PUS1: variants seen among roughly 807,000 people sequenced by gnomAD.
PUS1 encodes pseudouridine synthase 1.
Under a neutral mutation model 38.5 loss-of-function variants are expected in PUS1, and 25 were observed. The observed-to-expected ratio is 0.65, with a 90% CI of 0.47 to 0.91. The LOEUF (loss-of-function observed/expected upper bound fraction) is 0.91. PUS1 is among the 40% of genes least tolerant of loss of function. The pLI, the probability that PUS1 is intolerant of heterozygous loss-of-function variation, is 0.00. For missense variants in PUS1, 597 were observed against 612.3 expected, an observed-to-expected ratio of 0.97 and a Z score of 0.26; for synonymous variants, 282 against 260.4, an observed-to-expected ratio of 1.08 and a Z score of -0.80.
At position 131,943,667 on chromosome 12, in the gene PUS1, A is replaced by C. The variant is rs767271124; in HGVS notation, c.*81A>C. 2.9e-5 allele frequency: 34 copies of C among 1,183,116 alleles called. No individual in the cohort carries two copies. Among genetic ancestry groups the C allele is most frequent in the Non-Finnish European group, 3.8e-5 (30 of 793,332 alleles). The allele number at this position is 1,183,116 out of a possible 1,614,324, so 73.3% of individuals were successfully genotyped here. The stretch of plus-strand genomic sequence containing the variant: ...ATGTGCCACCCCTGTGGGCAGCAAG[A>C]AGCTGGGATCGCTGCAGCCATGTTT... On this transcript the variant is annotated 3_prime_UTR_variant, in exon 6 of 6. Coordinates refer to ENST00000376649, the MANE Select transcript of PUS1 (RefSeq NM_025215.6).
chr12:131,939,514 A>G (rs575059343), intron 4 of PUS1, among the ~76,000 whole-genome samples: 1 of 152,318 alleles, frequency 6.6e-6, no homozygotes, highest in South Asian at 2.1e-4. Context: ...GGATGTGAAA[A>G]TCCAAATTCA....
At chr12:131,931,821 G>A in intron 2 of PUS1, 1 of 506,494 alleles carries the variant, frequency 2.0e-6, no homozygotes, top group Admixed American at 3.4e-5. Flanking sequence ...GTGAGCCACT[G>A]CACCTGGCCA....
intron 3 of PUS1, among the ~76,000 whole-genome samples, chr12:131,933,210 T>G (rs1289449699): frequency 2.0e-5 from 3 of 151,534 alleles, no homozygotes; most frequent in Non-Finnish European, 4.4e-5. Context: ...TTTTTTTTTT[T>G]TTTTTTAATA....
At position 131,943,934 on chromosome 12, in the gene PUS1, G is replaced by A. The variant is rs573059190; in HGVS notation, c.*348G>A. 4.4e-5 allele frequency: 15 copies of A among 338,046 alleles called. No individual in the cohort carries two copies. The highest frequency in any genetic ancestry group is 7.5e-5 in the East Asian group (1 of 13,296). The allele number at this position is 338,046 out of a possible 1,614,324, so 20.9% of individuals were successfully genotyped here. A position where few individuals can be genotyped will look rare whatever the true frequency, so the allele number is the denominator to read the frequency against. ...AGAGATGAGCACAGCATGGTGTCCC[G>A]TTGAGAACAGATACGGCTGAACAAA... On this transcript the variant is annotated 3_prime_UTR_variant, in exon 6 of 6. Transcript: ENST00000376649.
chr12:131,943,590 G>A lies in PUS1; in HGVS notation c.*4G>A, dbSNP rs199498952. 166 of 1,612,626 alleles carry A rather than the reference G, an allele frequency of 1.0e-4. No homozygotes were observed. Among genetic ancestry groups the A allele is most frequent in the Non-Finnish European group, 1.3e-4 (155 of 1,179,086 alleles). Reference sequence around the variant, plus strand: ...AGGGGACGGAGACACTGACTGAGGCGATGGGAGCTGCCCACCAGAGTGCCT... The same window carrying A: ...AGGGGACGGAGACACTGACTGAGGCAATGGGAGCTGCCCACCAGAGTGCCT... On this transcript the variant is annotated 3_prime_UTR_variant, in exon 6 of 6. Coordinates refer to ENST00000376649, the MANE Select transcript of PUS1 (RefSeq NM_025215.6).
rs1420103271 is a variant in PUS1, at chr12:131,939,182, G to A, written c.451G>A (p.Ala151Thr). The change falls in exon 4 of 6, where the codon GCA (alanine) becomes ACA (threonine). Residue 151 changes from alanine to threonine, a missense_variant. Ala to Thr is a moderately conservative substitution (Grantham distance 58). Transcript: ENST00000376649. Reference protein sequence around the residue: ...RCARTDKGVSAAGQVVSLKVW... With the variant: ...RCARTDKGVSTAGQVVSLKVW... ...TCTGCTTTGTTTACAGGGTGTGTCC[G>A]CAGCCGGCCAGGTGGTATCCCTGAA... 3.2e-6 allele frequency: 5 copies of A among 1,557,764 alleles called. No individual in the cohort carries two copies. The highest frequency in any genetic ancestry group is 2.4e-5 in the East Asian group (1 of 41,262).
In PUS1 at chr12:131,931,011, C is replaced by T. The variant is rs115525081; in HGVS notation, c.303+876C>T. Reference sequence around the variant, plus strand: ...TTTTGTAGTTACCACTGTGGCTTTGCGCAGTTCTGTGTTCTTTAAACATCT... The same window carrying T: ...TTTTGTAGTTACCACTGTGGCTTTGTGCAGTTCTGTGTTCTTTAAACATCT... On this transcript the variant is annotated intron_variant, in intron 2 of 5. Transcript: ENST00000376649. 3.0e-3 allele frequency among the ~76,000 whole-genome samples: 461 copies of T among 152,280 alleles called. 4 individuals carry two copies. Among genetic ancestry groups the T allele is most frequent in the African/African-American group, 0.011 (445 of 41,548 alleles).
At chr12:131,931,321 T>A (rs1190073459) in intron 2 of PUS1, among the ~76,000 whole-genome samples, 1 of 151,772 alleles carries the variant, frequency 6.6e-6, no homozygotes, top group East Asian at 1.9e-4. Flanking sequence ...ACCACGCCCA[T>A]CTAGTTTTTG....
In PUS1 at chr12:131,944,954, G is replaced by T. The variant is rs73162970; in HGVS notation, c.*1368G>T. The T allele has an allele frequency of 0.13, 19,823 of 152,288 alleles. 2,658 individuals carry two copies. Among genetic ancestry groups the T allele is most frequent in the African/African-American group, 0.34 (14,190 of 41,518 alleles). 9.4% of individuals were successfully genotyped at this position (152,288 alleles called of 1,614,324 possible). On this transcript the variant is annotated 3_prime_UTR_variant, in exon 6 of 6. Transcript: ENST00000376649. ...CAGGAGCAGGGGATCCTTGGCTGGC[G>T]GGCTGCCAGGAGCCCAGGGAGGGGC... is the stretch of plus-strand genomic sequence containing the variant.
intron 3 of PUS1, chr12:131,932,721 G>A (rs1342922336): frequency 1.0e-5 from 4 of 382,624 alleles, no homozygotes; most frequent in Middle Eastern, 8.5e-4. Flanking sequence ...TCCTTTTTTA[G>A]AGTCAGGATC....
chr12:131,930,081 G>T lies in PUS1; in HGVS notation c.249G>T (p.Lys83Asn). 6.9e-7 allele frequency: 1 copy of T among 1,445,038 alleles called. No individual in the cohort carries two copies. The allele number at this position is 1,445,038 out of a possible 1,614,324, so 89.5% of individuals were successfully genotyped here. Reference protein sequence around the residue: ...GDEERREKPPKRKIVLLMAYS... With the variant: ...GDEERREKPPNRKIVLLMAYS... The stretch of plus-strand genomic sequence containing the variant: ...AGGAGCGGCGCGAGAAGCCGCCCAA[G>T]CGGAAGATCGTGCTGCTCATGGCCT... The change falls in exon 2 of 6, where the codon AAG becomes AAT. Residue 83 changes from lysine to asparagine, a missense_variant. By Grantham distance (94) the Lys-to-Asn change is moderately conservative (BLOSUM62 0). Coordinates refer to ENST00000376649, the MANE Select transcript of PUS1 (RefSeq NM_025215.6).
At position 131,929,716 on chromosome 12, in the gene PUS1, C is replaced by T. The variant is rs777163570; in HGVS notation, c.-7C>T. Reference sequence around the variant, plus strand: ...AGGGCGGGGTCGGGTGCACTGGTAGCCTGCGCATGGGCCTCCAGCTTCGCG... The same window carrying T: ...AGGGCGGGGTCGGGTGCACTGGTAGTCTGCGCATGGGCCTCCAGCTTCGCG... On this transcript the variant is annotated 5_prime_UTR_variant, in exon 1 of 6. Transcript: ENST00000376649. 60 of 1,584,726 alleles carry T rather than the reference C, an allele frequency of 3.8e-5. No individual in the cohort carries two copies. Among genetic ancestry groups the T allele is most frequent in the East Asian group, 2.3e-4 (10 of 43,188 alleles).
Position 131,941,746 on chromosome 12 carries a change from G to C in PUS1, c.999G>C (p.Leu333=), listed in dbSNP as rs150359622. ...VDVPKAPGLG[L]VLERVHFEKY... The stretch of plus-strand genomic sequence containing the variant: ...TGCCCAAGGCGCCCGGACTCGGCCT[G>C]GTCCTGGAGAGGGTGCACTTCGAGA... Residue 333 remains leucine (L), a synonymous_variant, in exon 5 of 6, where the codon CTG becomes CTC. Transcript: ENST00000376649. This position sits in a 1 kb window ranked among gnomAD's most constrained non-coding sequence, Gnocchi z 4.4. 4.6e-3 allele frequency: 7,500 copies of C among 1,614,026 alleles called. 28 individuals carry two copies. The highest frequency in any genetic ancestry group is 5.8e-3 in the Non-Finnish European group (6,845 of 1,179,902).
At chr12:131,929,884 G>A (rs1302994119) in intron 1 of PUS1, 23 bp from the exon 2 acceptor site, 2 of 1,170,330 alleles carry the variant, frequency 1.7e-6, no homozygotes, top group African/African-American at 2.0e-5. Context: ...GCGGGCCCCC[G>A]CTCACGCCGC....
rs572286935 is a variant in PUS1 at position 131,941,207 on chromosome 12, G to T, written c.545-85G>T. ...TCGGTGCTCTGGGTAAGGAGACGCTGGGGCTCACGCCGTGCTCAGGCTGCT... is the reference window on the plus strand; with the variant it reads ...TCGGTGCTCTGGGTAAGGAGACGCTTGGGCTCACGCCGTGCTCAGGCTGCT... On this transcript the variant is annotated intron_variant, in intron 4 of 5. Coordinates refer to ENST00000376649, the MANE Select transcript of PUS1 (RefSeq NM_025215.6). This position sits in a 1 kb window ranked among gnomAD's most constrained non-coding sequence, Gnocchi z 4.4. The T allele has an allele frequency of 8.2e-7, 1 of 1,213,184 alleles. No individual in the cohort carries two copies. The highest frequency in any genetic ancestry group is 1.5e-5 in the African/African-American group (1 of 66,844). The allele number at this position is 1,213,184 out of a possible 1,614,324, so 75.2% of individuals were successfully genotyped here.
rs1384845473 is a variant in PUS1, at chr12:131,945,352, A to C, written c.*1766A>C. On this transcript the variant is annotated 3_prime_UTR_variant, in exon 6 of 6. Coordinates refer to ENST00000376649, the MANE Select transcript of PUS1 (RefSeq NM_025215.6). The stretch of plus-strand genomic sequence containing the variant: ...TCGGGAGCCAGGGAGTGCAGGTGTG[A>C]GGCCCACTGGGCTTTGGGTTTGAGG... 3.9e-5 allele frequency: 6 copies of C among 152,148 alleles called. No homozygotes were observed. The highest frequency in any genetic ancestry group is 1.4e-4 in the African/African-American group (6 of 41,406). 9.4% of individuals were successfully genotyped at this position (152,148 alleles called of 1,614,324 possible).
rs1566138664 is a variant in PUS1, at chr12:131,929,664, G to A, written c.-59G>A. 2 of 1,432,476 alleles carry A rather than the reference G, an allele frequency of 1.4e-6. No homozygotes were observed. The highest frequency in any genetic ancestry group is 2.6e-5 in the East Asian group (1 of 37,910). The allele number at this position is 1,432,476 out of a possible 1,614,324, so 88.7% of individuals were successfully genotyped here. A position where few individuals can be genotyped will look rare whatever the true frequency, so the allele number is the denominator to read the frequency against. On this transcript the variant is annotated 5_prime_UTR_variant, in exon 1 of 6. Coordinates refer to ENST00000376649, the MANE Select transcript of PUS1 (RefSeq NM_025215.6). Reference sequence around the variant, plus strand: ...TAGGGGTCGGCAGAGGCGGAGCTGGGGCACTGGGGGTCAGGGGTCGGGGAT... The same window carrying A: ...TAGGGGTCGGCAGAGGCGGAGCTGGAGCACTGGGGGTCAGGGGTCGGGGAT...
At chr12:131,937,249 A>G (rs1593293050) in intron 3 of PUS1, among the ~76,000 whole-genome samples, 1 of 152,214 alleles carries the variant, frequency 6.6e-6, no homozygotes, top group Non-Finnish European at 1.5e-5. Context: ...GAATAATGCC[A>G]TGATTCTTAA....
At position 131,932,162 on chromosome 12, in the gene PUS1, C is replaced by T; in HGVS notation, c.304-13C>T. On this transcript the variant is annotated splice_polypyrimidine_tract_variant and intron_variant, in intron 2 of 5. Transcript: ENST00000376649. ...TGCAAAATATAAAATCTGTTTTTGT[C>T]TCCTTTTTCCAGAGGAATGTCGGGT... 5 of 1,613,530 alleles carry T rather than the reference C, an allele frequency of 3.1e-6. No individual in the cohort carries two copies. The highest frequency in any genetic ancestry group is 4.2e-6 in the Non-Finnish European group (5 of 1,179,602).
Sources: gnomAD v4.1 joint callset for allele counts (sites outside exome capture counted in the v4.1 genomes callset) on GRCh38, gnomAD v4.1.1 for gene constraint, Gnocchi (gnomAD v3.1) non-coding constraint, MANE v1.5 for transcripts, NCBI Gene and HGNC (gene_info 2026-07-23, HGNC 2026-07-21) for gene names.